Variants in FAM81B observed in about 807,000 individuals in gnomAD.
FAM81B encodes family with sequence similarity 81 member B.
Under a neutral mutation model 58.7 loss-of-function variants are expected in FAM81B, and 60 were observed. The ratio of observed to expected loss-of-function variants is 1.02; its 90% CI spans 0.83 to 1.27. The LOEUF (loss-of-function observed/expected upper bound fraction) is 1.27, where lower values mean the gene tolerates loss of function less well. Ranked by LOEUF, FAM81B falls within the 50% of genes most tolerant of loss-of-function variation. The pLI is 0.00. For missense variants in FAM81B, 491 were observed against 522.0 expected, an observed-to-expected ratio of 0.94 and a Z score of 0.58; for synonymous variants, 189 against 179.6, an observed-to-expected ratio of 1.05 and a Z score of -0.42.
intron 4 of FAM81B, among the ~76,000 whole-genome samples, chr5:95,415,165 G>T (rs1425968765): frequency 6.6e-6 from 1 of 152,180 alleles, no homozygotes; most frequent in Non-Finnish European, 1.5e-5. Flanking sequence ...AGAGTTGCTA[G>T]GGTGCAGATG....
At chr5:95,401,219 T>C (rs1197386433) in intron 3 of FAM81B, among the ~76,000 whole-genome samples, 1 of 152,164 alleles carries the variant, frequency 6.6e-6, no homozygotes, top group African/African-American at 2.4e-5. Flanking sequence ...ATAGAGCGCA[T>C]CACTTTTCAC....
chr5:95,405,352 C>G (rs767527024), intron 3 of FAM81B, among the ~76,000 whole-genome samples: 1 of 152,160 alleles, frequency 6.6e-6, no homozygotes, highest in Non-Finnish European at 1.5e-5. Flanking sequence ...TGGTAAATTT[C>G]CTCAGTCTGG....
intron 4 of FAM81B, among the ~76,000 whole-genome samples, chr5:95,418,301 C>G (rs899920157): frequency 3.0e-4 from 46 of 152,134 alleles, no homozygotes; most frequent in Middle Eastern, 3.4e-3. Context: ...TTCCCCAAAG[C>G]ACAAAAGTAG....
chr5:95,411,826 T>C (rs1034219228), intron 3 of FAM81B, among the ~76,000 whole-genome samples: 12 of 152,234 alleles, frequency 7.9e-5, no homozygotes, highest in Non-Finnish European at 2.9e-5. Context: ...AAAGTCAATG[T>C]TGTGATAATG....
At chr5:95,419,836 G>GA (rs371771935) in intron 4 of FAM81B, among the ~76,000 whole-genome samples, 1 of 152,094 alleles carries the variant, frequency 6.6e-6, no homozygotes, top group Non-Finnish European at 1.5e-5. Context: ...ATGCAATATT[G>GA]AAAAAAATCC....
At chr5:95,421,678 C>CA (rs59129867) in intron 5 of FAM81B, among the ~76,000 whole-genome samples, 99,168 of 151,674 alleles carry the variant, frequency 0.65, 32,751 homozygotes, top group East Asian at 0.78. Flanking sequence ...TGGTAGAATA[C>CA]AAAAAAAGGT....
At chr5:95,447,702 T>C (rs561841470) in intron 8 of FAM81B, among the ~76,000 whole-genome samples, 1 of 152,322 alleles carries the variant, frequency 6.6e-6, no homozygotes, top group South Asian at 2.1e-4. Flanking sequence ...TGCTCCCAGA[T>C]TCCCTGTGGA....
In FAM81B at chr5:95,391,648, T is replaced by C. The variant is rs142137031; in HGVS notation, c.124+135T>C. ...GCTTGGGCACAACAGAGTAATAACT[T>C]AAACAAATGTACAAGAAAAAAAAAC... On this transcript the variant is annotated intron_variant, in intron 1 of 9. Coordinates refer to ENST00000283357, the MANE Select transcript of FAM81B (RefSeq NM_152548.3). 2.7e-3 allele frequency: 2,458 copies of C among 909,842 alleles called. 17 individuals are homozygous for C. The highest frequency in any genetic ancestry group is 4.3e-3 in the Middle Eastern group (11 of 2,578). The allele number at this position is 909,842 out of a possible 1,614,324, so 56.4% of individuals were successfully genotyped here. A position where few individuals can be genotyped will look rare whatever the true frequency, so the allele number is the denominator to read the frequency against.
At chr5:95,413,533 G>C (rs1762457661) in intron 3 of FAM81B, among the ~76,000 whole-genome samples, 1 of 152,168 alleles carries the variant, frequency 6.6e-6, no homozygotes, top group Admixed American at 6.5e-5. Flanking sequence ...GAATTCTTTT[G>C]TGGTGGCCTA....
chr5:95,414,470 A>T (rs1762486180), intron 4 of FAM81B, among the ~76,000 whole-genome samples: 1 of 152,218 alleles, frequency 6.6e-6, no homozygotes, highest in South Asian at 2.1e-4. Flanking sequence ...TAAGATGCTT[A>T]TGTTAGCCTA....
chr5:95,439,236 G>GTATATA (rs577076287), intron 7 of FAM81B, among the ~76,000 whole-genome samples: 4,620 of 104,962 alleles, frequency 0.044, 164 homozygotes, highest in East Asian at 0.075. Context: ...AGGTTAAAGA[G>GTATATA]TATATATATA....
chr5:95,416,800 G>T (rs1286594144), intron 4 of FAM81B, among the ~76,000 whole-genome samples: 1 of 152,128 alleles, frequency 6.6e-6, no homozygotes. Flanking sequence ...ATATCACTTT[G>T]GGGGGCTGAG....
intron 9 of FAM81B, among the ~76,000 whole-genome samples, chr5:95,449,697 T>C (rs12054916): frequency 0.24 from 37,044 of 151,996 alleles, 6,303 homozygotes; most frequent in African/African-American, 0.48. Context: ...TACAAAGTGC[T>C]AGGAGGGAGG....
intron 4 of FAM81B, 80 bp downstream of exon 4, chr5:95,414,270 T>C (rs1427556670): frequency 7.0e-6 from 10 of 1,436,534 alleles, no homozygotes; most frequent in Middle Eastern, 1.8e-4. Flanking sequence ...ACCATCAGTG[T>C]CATTTTTCAA....
In FAM81B at chr5:95,412,239, C is replaced by T. The variant is rs1055305626; in HGVS notation, c.294-1708C>T. Among the ~76,000 whole-genome samples the T allele has an allele frequency of 4.6e-5, 7 of 151,896 alleles. No homozygotes were observed. The East Asian group carries it at 5.8e-4, about 13-fold the overall frequency. The stretch of plus-strand genomic sequence containing the variant: ...CTCTTTTTGAAATTCTTCTATGATT[C>T]GACATACACCAACATGAGCAATCCC... On this transcript the variant is annotated intron_variant, in intron 3 of 9. Transcript: ENST00000283357.
intron 7 of FAM81B, 43 bp from the exon 8 acceptor site, chr5:95,446,519 T>A (rs765587914): frequency 3.4e-6 from 5 of 1,488,152 alleles, no homozygotes; most frequent in Non-Finnish European, 4.5e-6. Context: ...TTTTTATGTT[T>A]AAATTAACTT....
chr5:95,403,670 A>C (rs1762170614), intron 3 of FAM81B, among the ~76,000 whole-genome samples: 1 of 152,168 alleles, frequency 6.6e-6, no homozygotes, highest in Non-Finnish European at 1.5e-5. Context: ...CCTCATGATC[A>C]CAAGATGCCT....
At position 95,420,373 on chromosome 5, in the gene FAM81B, A is replaced by C. The variant is rs377033283; in HGVS notation, c.627A>C (p.Gly209=). The change falls in exon 5 of 10, where the codon GGA becomes GGC. Residue 209 remains glycine, a synonymous_variant. Coordinates refer to ENST00000283357, the MANE Select transcript of FAM81B (RefSeq NM_152548.3). ...AGATAAACATCAAACACCTACAAGG[A>C]GTTGGAGATCTTCGAGGAAGAGTAG... The part of the protein sequence containing the change: ...VHEINIKHLQ[G]VGDLRGRVAR... The C allele has an allele frequency of 5.3e-5, 85 of 1,613,858 alleles. 2 individuals carry two copies. The South Asian group carries it at 7.9e-4, about 15-fold the overall frequency.
chr5:95,448,557 C>T, intron 9 of FAM81B, 93 bp downstream of exon 9: 2 of 1,192,752 alleles, frequency 1.7e-6, no homozygotes, highest in Non-Finnish European at 2.3e-6. Context: ...AGGGATCAAT[C>T]TTGTCATTAG....
Sources: allele counts gnomAD v4.1 joint callset (sites outside exome capture counted in the v4.1 genomes callset), GRCh38; gene constraint gnomAD v4.1.1; transcripts MANE v1.5; gene names NCBI Gene and HGNC (gene_info 2026-07-23, HGNC 2026-07-21).